The following BIRC3 variants were observed in gnomAD, a reference collection of about 807,000 sequenced individuals.
The protein encoded by BIRC3 is baculoviral IAP repeat containing 3, also known as baculoviral IAP repeat-containing protein 3.
Under a neutral mutation model 59.0 loss-of-function variants are expected in BIRC3, and 26 were observed. The ratio of observed to expected loss-of-function variants is 0.44; its 90% confidence interval spans 0.32 to 0.61. The LOEUF (loss-of-function observed/expected upper bound fraction) is 0.61, where lower values mean the gene tolerates loss of function less well. Among genes scored for constraint, BIRC3 ranks in the 20% least tolerant of loss-of-function variants. The pLI is 0.04. For missense variants in BIRC3, 641 were observed against 711.5 expected (o/e 0.90, Z 1.13); for synonymous variants, 243 against 249.2 (o/e 0.98, Z 0.24).
At chr11:102,327,328 A>T (rs1951093390) in intron 3 of BIRC3, among the ~76,000 whole-genome samples, 2 of 152,130 alleles carry the variant, frequency 1.3e-5, no homozygotes, top group African/African-American at 4.8e-5. Flanking sequence ...ATTAAGATAA[A>T]CCTTTAGAAC....
chr11:102,322,207 G>C lies in BIRC3; in HGVS notation c.-2303G>C. The stretch of plus-strand genomic sequence containing the variant: ...TAGAATAGAAATAGTACCTGTGTTT[G>C]GGAAAGATTTTAAAATGAGTGACAG... On this transcript the variant is annotated 5_prime_UTR_variant, in exon 2 of 9. Transcript: ENST00000263464. 1 of 206,286 alleles carries C rather than the reference G, an allele frequency of 4.8e-6. No individual in the cohort carries two copies. Among genetic ancestry groups the C allele is most frequent in the Non-Finnish European group, 9.9e-6 (1 of 100,912 alleles). 12.8% of individuals were successfully genotyped at this position (206,286 alleles called of 1,614,324 possible).
Position 102,331,115 on chromosome 11 carries a change from C to G in BIRC3, c.1198C>G (p.Gln400Glu). 6.2e-7 allele frequency: 1 copy of G among 1,613,686 alleles called. No individual in the cohort carries two copies. ...TAGAAGCCTGGTAAAACAGACAGTT[C>G]AGAGAAAAATCCTAGCAACTGGAGA... ...FSRSLVKQTV[Q>E]RKILATGENY... Residue 400 changes from glutamine to glutamate, a missense_variant, in exon 6 of 9, where the codon CAG becomes GAG. Coordinates refer to ENST00000263464, the MANE Select transcript of BIRC3 (RefSeq NM_001165.5).
At chr11:102,331,340 C>T in intron 6 of BIRC3, 99 bp downstream of exon 6, 1 of 1,219,290 alleles carries the variant, frequency 8.2e-7, no homozygotes, top group Non-Finnish European at 1.1e-6. Context: ...AAAATATACT[C>T]AATCCAGTCA....
intron 1 of BIRC3, chr11:102,320,295 C>T (rs1364310243): frequency 2.0e-5 from 3 of 152,304 alleles, no homozygotes; most frequent in East Asian, 3.9e-4. Flanking sequence ...GGGTCTTGCT[C>T]TGTCACCCAG....
intron 6 of BIRC3, 82 bp downstream of exon 6, chr11:102,331,323 A>C (rs567413387): frequency 4.5e-6 from 6 of 1,320,878 alleles, no homozygotes; most frequent in Middle Eastern, 5.4e-4. Flanking sequence ...CTCATCTAGC[A>C]TATCTGAAAA....
chr11:102,337,214 A>C lies in BIRC3; in HGVS notation c.*112A>C. 1 of 769,640 alleles carries C rather than the reference A, an allele frequency of 1.3e-6. No individual in the cohort carries two copies. Among genetic ancestry groups the C allele is most frequent in the Non-Finnish European group, 1.9e-6 (1 of 539,128 alleles). 47.7% of individuals were successfully genotyped at this position (769,640 alleles called of 1,614,324 possible). A position where few individuals can be genotyped will look rare whatever the true frequency, so the allele number is the denominator to read the frequency against. ...AAATTTTTATTTATTTACAACTCAA[A>C]AAACATTGTTTTGTGTAACATATTT... On this transcript the variant is annotated 3_prime_UTR_variant, in exon 9 of 9. Transcript: ENST00000263464.
chr11:102,328,562 A>C (rs528035513), intron 4 of BIRC3, among the ~76,000 whole-genome samples: 1 of 152,176 alleles, frequency 6.6e-6, no homozygotes, highest in Non-Finnish European at 1.5e-5. Flanking sequence ...ACTTATCCCA[A>C]AGGATGACCC....
chr11:102,334,677 T>G (rs1001442554), intron 6 of BIRC3, among the ~76,000 whole-genome samples: 6 of 152,182 alleles, frequency 3.9e-5, no homozygotes, highest in African/African-American at 1.4e-4. Context: ...ATATGAAAAT[T>G]AATAAACTTA....
intron 6 of BIRC3, among the ~76,000 whole-genome samples, chr11:102,332,775 A>G (rs1239511570): frequency 2.6e-5 from 4 of 152,204 alleles, no homozygotes; most frequent in Non-Finnish European, 4.4e-5. Context: ...TGAATTACTC[A>G]GTCTATAAAC....
At chr11:102,329,060 C>A in intron 5 of BIRC3, 115 bp downstream of exon 5, 1 of 535,564 alleles carries the variant, frequency 1.9e-6, no homozygotes, top group South Asian at 2.6e-5. Flanking sequence ...ACGATGAATG[C>A]ATTTTCAAAT....
At chr11:102,330,764 T>C (rs138619944) in intron 5 of BIRC3, among the ~76,000 whole-genome samples, 11 of 152,354 alleles carry the variant, frequency 7.2e-5, no homozygotes, top group Admixed American at 4.6e-4. Flanking sequence ...TATCCAGTTA[T>C]GACAGGTAAT....
intron 3 of BIRC3, among the ~76,000 whole-genome samples, chr11:102,326,256 A>G (rs1051902312): frequency 2.0e-5 from 3 of 152,264 alleles, no homozygotes; most frequent in African/African-American, 4.8e-5. Flanking sequence ...AAGTACAATC[A>G]ATAAAAAGAA....
intron 1 of BIRC3, among the ~76,000 whole-genome samples, chr11:102,318,530 A>G (rs1950996887): frequency 6.6e-6 from 1 of 152,202 alleles, no homozygotes; most frequent in Admixed American, 6.5e-5. Context: ...ACAGAGATGA[A>G]ACATATTAAT....
chr11:102,328,006 C>A (rs1172728060), intron 3 of BIRC3, 46 bp from the exon 4 acceptor site: 4 of 1,438,268 alleles, frequency 2.8e-6, no homozygotes, highest in South Asian at 2.4e-5. Flanking sequence ...ATTTTCATTT[C>A]ACTTGTATAA....
intron 3 of BIRC3, among the ~76,000 whole-genome samples, chr11:102,326,206 T>C (rs1951078721): frequency 6.6e-6 from 1 of 152,198 alleles, no homozygotes; most frequent in Admixed American, 6.5e-5. Context: ...AACAGACAAC[T>C]AATAAAAACT....
At chr11:102,319,702 G>C (rs184894532) in intron 1 of BIRC3, among the ~76,000 whole-genome samples, 1 of 151,948 alleles carries the variant, frequency 6.6e-6, no homozygotes, top group Admixed American at 6.5e-5. Flanking sequence ...TTTAGAAGAG[G>C]TGCATAGGGC....
rs545185690 is a variant in BIRC3, at chr11:102,337,590, C to A, written c.*488C>A. 3.0e-5 allele frequency: 11 copies of A among 372,398 alleles called. No individual in the cohort carries two copies. The South Asian group carries it at 1.5e-3, about 50-fold the overall frequency. 23.1% of individuals were successfully genotyped at this position (372,398 alleles called of 1,614,324 possible). On this transcript the variant is annotated 3_prime_UTR_variant, in exon 9 of 9. Transcript: ENST00000263464. Reference sequence around the variant, plus strand: ...AAACAAACAGAACAAAAACAAAACACCAGGGACACATTTCTCTGTCTTTTT... The same window carrying A: ...AAACAAACAGAACAAAAACAAAACAACAGGGACACATTTCTCTGTCTTTTT...
Position 102,323,978 on chromosome 11 carries a change from C to T in BIRC3, c.-532C>T, listed in dbSNP as rs1450229416. 9.7e-6 allele frequency: 2 copies of T among 205,278 alleles called. No individual in the cohort carries two copies. Among genetic ancestry groups the T allele is most frequent in the Admixed American group, 6.0e-5 (1 of 16,738 alleles). The allele number at this position is 205,278 out of a possible 1,614,324, so 12.7% of individuals were successfully genotyped here. A position where few individuals can be genotyped will look rare whatever the true frequency, so the allele number is the denominator to read the frequency against. On this transcript the variant is annotated 5_prime_UTR_variant, in exon 2 of 9. Coordinates refer to ENST00000263464, the MANE Select transcript of BIRC3 (RefSeq NM_001165.5). ...TTCCTCCTTTGAGTTAGGTCTTGTG[C>T]TTTTTTTTCCTGGCCACTAAATTTC... is the stretch of plus-strand genomic sequence containing the variant.
In BIRC3 at chr11:102,336,156, T is replaced by C. The variant is rs745743286; in HGVS notation, c.1515T>C (p.Ile505=). The C allele has an allele frequency of 3.7e-6, 6 of 1,613,790 alleles. No homozygotes were observed. Among genetic ancestry groups the C allele is most frequent in the Non-Finnish European group, 5.1e-6 (6 of 1,179,918 alleles). The change falls in exon 7 of 9, where the codon ATT becomes ATC. Residue 505 remains isoleucine, a synonymous_variant. Transcript: ENST00000263464. ...LIDTILVKGN[I]AATVFRNSLQ... ...ATACGATTTTAGTAAAAGGAAATAT[T>C]GCAGCCACTGTATTCAGAAACTCTC...
Sources: gnomAD v4.1 joint callset for allele counts (sites outside exome capture counted in the v4.1 genomes callset) on GRCh38, gnomAD v4.1.1 for gene constraint, MANE v1.5 for transcripts, NCBI Gene and HGNC (gene_info 2026-07-23, HGNC 2026-07-21) for gene names.